Variants in HDAC9 observed in about 807,000 individuals in gnomAD.
HDAC9 encodes histone deacetylase 9, also known as MEF-2 interacting transcription repressor (MITR) protein.
HDAC9 carries 41 observed loss-of-function variants against 139.4 expected under a neutral mutation model. That is an observed-to-expected ratio of 0.29 (90% confidence interval 0.23 to 0.38). HDAC9 has a LOEUF of 0.38. Ranked by LOEUF, HDAC9 falls within the 10% of genes least tolerant of loss-of-function variation. The pLI, the probability that HDAC9 is intolerant of heterozygous loss-of-function variation, is 1.00. For synonymous variants in HDAC9, 517 were observed against 476.2 expected (o/e 1.09, Z -1.12); for missense variants, 1,147 against 1,297.0 (o/e 0.88, Z 1.78).
intron 12 of HDAC9, among the ~76,000 whole-genome samples, chr7:18,682,711 A>T (rs1407935145): frequency 6.6e-6 from 1 of 152,010 alleles, no homozygotes; most frequent in Non-Finnish European, 1.5e-5. Context: ...GTGACAGTTA[A>T]TTCAGAAATA....
At chr7:18,447,005 A>G (rs539659964) in intron 1 of HDAC9, among the ~76,000 whole-genome samples, 1 of 152,330 alleles carries the variant, frequency 6.6e-6, no homozygotes, top group African/African-American at 2.4e-5. Flanking sequence ...GCTTTACATT[A>G]AAAACAAAAA....
At chr7:18,276,172 A>G (rs1270226111) in intron 2 of HDAC9, among the ~76,000 whole-genome samples, 1 of 152,212 alleles carries the variant, frequency 6.6e-6, no homozygotes, top group African/African-American at 2.4e-5. Context: ...ATCAGATTTT[A>G]TATCTATTCT....
At chr7:18,736,834 G>A (rs1363432432) in intron 13 of HDAC9, among the ~76,000 whole-genome samples, 1 of 152,158 alleles carries the variant, frequency 6.6e-6, no homozygotes. Flanking sequence ...TGTAACTCTG[G>A]TAGAATTCGG....
intron 1 of HDAC9, among the ~76,000 whole-genome samples, chr7:18,489,634 C>T (rs1260050319): frequency 6.6e-6 from 1 of 151,996 alleles, no homozygotes; most frequent in African/African-American, 2.4e-5. Context: ...GGGCCTGTCT[C>T]ATTCTTGTAT....
intron 1 of HDAC9, among the ~76,000 whole-genome samples, chr7:18,402,213 A>G (rs1787609917): frequency 6.6e-6 from 1 of 152,198 alleles, no homozygotes; most frequent in South Asian, 2.1e-4. Flanking sequence ...AACCAGAAGT[A>G]GGACGGGTTA....
rs1563011520 is a variant in HDAC9 at position 18,874,605 on chromosome 7, C to G, written c.2803+9C>G. The stretch of plus-strand genomic sequence containing the variant: ...CAAAGTGACGGCAAAATGTAAGTAC[C>G]TCTTTCAGGACTTTACGAAAGGCTC... On this transcript the variant is annotated intron_variant, in intron 22 of 25. Coordinates refer to ENST00000686413, the MANE Select transcript of HDAC9 (RefSeq NM_178425.4). 4.7e-6 allele frequency: 7 copies of G among 1,491,800 alleles called. No homozygotes were observed. The South Asian group carries it at 5.9e-5, about 13-fold the overall frequency. 92.4% of individuals were successfully genotyped at this position (1,491,800 alleles called of 1,614,324 possible). A position where few individuals can be genotyped will look rare whatever the true frequency, so the allele number is the denominator to read the frequency against.
intron 2 of HDAC9, among the ~76,000 whole-genome samples, chr7:18,176,617 A>C (rs982545950): frequency 6.6e-6 from 1 of 152,242 alleles, no homozygotes; most frequent in African/African-American, 2.4e-5. Context: ...AAATGAAAGT[A>C]TACAGCTATG....
intron 24 of HDAC9, among the ~76,000 whole-genome samples, chr7:18,973,360 A>C (rs1035025381): frequency 5.3e-5 from 8 of 152,324 alleles, no homozygotes; most frequent in Non-Finnish European, 1.2e-4. Flanking sequence ...TAGCTTTGTA[A>C]ATGTCATCTG....
intron 17 of HDAC9, among the ~76,000 whole-genome samples, chr7:18,795,465 T>A (rs939559297): frequency 1.3e-5 from 2 of 152,072 alleles, no homozygotes; most frequent in African/African-American, 2.4e-5. Context: ...TATTTGCAAA[T>A]GAAAAGTGGA....
At chr7:18,183,282 T>C (rs565325637) in intron 2 of HDAC9, among the ~76,000 whole-genome samples, 56 of 152,352 alleles carry the variant, frequency 3.7e-4, no homozygotes, top group Middle Eastern at 3.4e-3. Flanking sequence ...GTGCTGGGAT[T>C]ACAGGCGTGA....
At chr7:18,817,757 A>C (rs1485188668) in intron 17 of HDAC9, among the ~76,000 whole-genome samples, 1 of 152,170 alleles carries the variant, frequency 6.6e-6, no homozygotes, top group African/African-American at 2.4e-5. Context: ...ACGGAGAAAA[A>C]CTGTACTATC....
chr7:18,437,349 A>G (rs1791297337), intron 1 of HDAC9, among the ~76,000 whole-genome samples: 1 of 152,160 alleles, frequency 6.6e-6, no homozygotes, highest in South Asian at 2.1e-4. Flanking sequence ...AACCAAAGTC[A>G]GACCCCTGAA....
chr7:18,135,030 T>C (rs1484501363), intron 1 of HDAC9, among the ~76,000 whole-genome samples: 4 of 152,108 alleles, frequency 2.6e-5, no homozygotes, highest in African/African-American at 7.2e-5. Flanking sequence ...CCTGGAAGCA[T>C]GATAGTAATA....
chr7:18,509,427 A>G (rs1383314449), intron 2 of HDAC9: 1 of 985,360 alleles, frequency 1.0e-6, no homozygotes, highest in Non-Finnish European at 1.2e-6. Context: ...GTGGATTCAC[A>G]GTGTAGCTTG....
intron 1 of HDAC9, among the ~76,000 whole-genome samples, chr7:18,420,903 T>C (rs1406410403): frequency 6.6e-6 from 1 of 152,194 alleles, no homozygotes; most frequent in Non-Finnish European, 1.5e-5. Flanking sequence ...GATACTTGAA[T>C]GAGAAACAGG....
chr7:18,197,773 A>G (rs1290649384), intron 2 of HDAC9, among the ~76,000 whole-genome samples: 2 of 152,168 alleles, frequency 1.3e-5, no homozygotes, highest in African/African-American at 2.4e-5. Context: ...TAAGTGTTGT[A>G]CTTCAGATAT....
intron 21 of HDAC9, among the ~76,000 whole-genome samples, chr7:18,838,258 T>C (rs534634819): frequency 6.6e-6 from 1 of 152,164 alleles, no homozygotes; most frequent in South Asian, 2.1e-4. Context: ...TCATAATATA[T>C]GTCATACGTA....
At chr7:18,437,960 C>G (rs1267507276) in intron 1 of HDAC9, among the ~76,000 whole-genome samples, 2 of 151,494 alleles carry the variant, frequency 1.3e-5, no homozygotes, top group African/African-American at 4.8e-5. Flanking sequence ...CACACACACA[C>G]ACAGACACAC....
chr7:18,931,907 A>G (rs919684926), intron 22 of HDAC9, among the ~76,000 whole-genome samples: 3 of 152,192 alleles, frequency 2.0e-5, no homozygotes, highest in Non-Finnish European at 2.9e-5. Context: ...TCTGTCTGAT[A>G]GTATAATGGT....
Sources: allele counts gnomAD v4.1 joint callset (sites outside exome capture counted in the v4.1 genomes callset), GRCh38; gene constraint gnomAD v4.1.1; transcripts MANE v1.5; gene names NCBI Gene and HGNC (gene_info 2026-07-23, HGNC 2026-07-21).